The following LY96 variants were observed in gnomAD, a reference collection of about 807,000 sequenced individuals.
The protein encoded by LY96 is lymphocyte antigen 96, also known as myeloid differentiation protein-2.
A neutral mutation model predicts 18.9 loss-of-function variants in LY96; 18 were observed. The ratio of observed to expected loss-of-function variants is 0.95; its 90% confidence interval spans 0.66 to 1.41. The LOEUF is 1.41. LY96 is among the 40% of genes most tolerant of loss of function. The pLI, the probability that LY96 is intolerant of heterozygous loss-of-function variation, is 0.00. For synonymous variants in LY96, 66 were observed against 62.6 expected (o/e 1.06, Z -0.26); for missense variants, 175 against 182.4 (o/e 0.96, Z 0.23).
At chr8:74,057,630 C>CAGAAATCATGA in the LY96 span, among the ~76,000 whole-genome samples, 3 of 152,204 alleles carry the variant, frequency 2.0e-5, no homozygotes, top group Admixed American at 6.5e-5. Context: ...CCCTGCCACA[C>CAGAAATCATGA]AGAAATCATG....
the LY96 span, among the ~76,000 whole-genome samples, chr8:74,058,470 A>T: frequency 6.6e-6 from 1 of 152,136 alleles, no homozygotes; most frequent in Non-Finnish European, 1.5e-5. Flanking sequence ...AGAGAAACAG[A>T]AGCAAAAGGA....
At chr8:74,058,994 G>T in the LY96 span, among the ~76,000 whole-genome samples, 34 of 152,170 alleles carry the variant, frequency 2.2e-4, no homozygotes, top group Non-Finnish European at 4.3e-4. Flanking sequence ...CAAGCAGAGA[G>T]AGGATAATCC....
chr8:74,037,713 C>G, the LY96 span, among the ~76,000 whole-genome samples: 2 of 151,928 alleles, frequency 1.3e-5, no homozygotes, highest in Non-Finnish European at 2.9e-5. Flanking sequence ...ATTCAATCAC[C>G]CAAGTCTGGG....
chr8:73,992,923 C>T (rs1001826101), intron 1 of LY96, among the ~76,000 whole-genome samples: 5 of 150,654 alleles, frequency 3.3e-5, no homozygotes, highest in Non-Finnish European at 1.5e-5. Flanking sequence ...GGCGCGATTT[C>T]GGCTCACTGC....
chr8:74,045,146 T>C, the LY96 span, among the ~76,000 whole-genome samples: 2 of 152,224 alleles, frequency 1.3e-5, no homozygotes. Context: ...CTGTGCTTCA[T>C]GCAGAGGATA....
chr8:74,054,473 C>T, the LY96 span, among the ~76,000 whole-genome samples: 1 of 151,956 alleles, frequency 6.6e-6, no homozygotes, highest in Non-Finnish European at 1.5e-5. Flanking sequence ...CACCTGGAAC[C>T]GAGGTTCCTC....
In LY96 at chr8:74,004,773, G is replaced by C. The variant is rs376686138; in HGVS notation, c.113-23G>C. On this transcript the variant is annotated intron_variant, in intron 1 of 4. Transcript: ENST00000284818. ...TGGAGATGATTTGTAGTAATTTATT[G>C]ACATTATCTTTATTGCTTTTAGATA... The C allele has an allele frequency of 3.5e-5, 53 of 1,528,680 alleles. No individual in the cohort carries two copies. The African/African-American group carries it at 6.8e-4, about 20-fold the overall frequency. 94.7% of individuals were successfully genotyped at this position (1,528,680 alleles called of 1,614,324 possible).
the LY96 span, among the ~76,000 whole-genome samples, chr8:74,054,318 G>A: frequency 2.0e-5 from 3 of 151,942 alleles, no homozygotes; most frequent in East Asian, 2.0e-4. Context: ...ATGAGCAACC[G>A]TGCTTGGCCA....
the LY96 span, among the ~76,000 whole-genome samples, chr8:74,085,293 G>T: frequency 3.3e-5 from 5 of 152,260 alleles, no homozygotes; most frequent in South Asian, 1.0e-3. Flanking sequence ...ATGATTGTCT[G>T]GTTTCAAAGC....
At chr8:74,035,245 T>C in the LY96 span, among the ~76,000 whole-genome samples, 1 of 152,164 alleles carries the variant, frequency 6.6e-6, no homozygotes, top group Non-Finnish European at 1.5e-5. Context: ...GGATAATGAA[T>C]GCCTGTCCAC....
intron 3 of LY96, among the ~76,000 whole-genome samples, chr8:74,020,359 C>A (rs1353214671): frequency 1.3e-5 from 2 of 152,166 alleles, no homozygotes; most frequent in Non-Finnish European, 2.9e-5. Context: ...ATCCAACTTA[C>A]AAGGGTTGTA....
the LY96 span, among the ~76,000 whole-genome samples, chr8:74,087,265 A>T: frequency 6.6e-6 from 1 of 152,228 alleles, no homozygotes; most frequent in Non-Finnish European, 1.5e-5. Flanking sequence ...AGACTTATTT[A>T]AAATGCAGAT....
chr8:73,999,168 C>A (rs1050980832), intron 1 of LY96, among the ~76,000 whole-genome samples: 1 of 152,006 alleles, frequency 6.6e-6, no homozygotes, highest in African/African-American at 2.4e-5. Context: ...TAGGGTTTCA[C>A]CATGTTGGCC....
chr8:74,069,561 A>G, the LY96 span, among the ~76,000 whole-genome samples: 1 of 152,016 alleles, frequency 6.6e-6, no homozygotes, highest in African/African-American at 2.4e-5. Flanking sequence ...AACTTCATTA[A>G]TCAGCAGCCA....
At chr8:74,039,101 T>G in the LY96 span, among the ~76,000 whole-genome samples, 2 of 152,374 alleles carry the variant, frequency 1.3e-5, no homozygotes, top group East Asian at 3.9e-4. Flanking sequence ...ATTGTAGTTT[T>G]GATTTGCATT....
At chr8:74,053,932 A>G in the LY96 span, among the ~76,000 whole-genome samples, 1 of 152,210 alleles carries the variant, frequency 6.6e-6, no homozygotes, top group Admixed American at 6.5e-5. Flanking sequence ...CCATTTTATA[A>G]TGCAGCAAGA....
the LY96 span, among the ~76,000 whole-genome samples, chr8:74,038,483 A>G: frequency 6.6e-6 from 1 of 152,210 alleles, no homozygotes; most frequent in Non-Finnish European, 1.5e-5. Flanking sequence ...AATTAGCATA[A>G]TGACCTCCGG....
At chr8:74,066,655 A>G in the LY96 span, among the ~76,000 whole-genome samples, 1 of 152,318 alleles carries the variant, frequency 6.6e-6, no homozygotes, top group Non-Finnish European at 1.5e-5. Flanking sequence ...CTTTGATGAG[A>G]CATTGACAGA....
the LY96 span, among the ~76,000 whole-genome samples, chr8:74,081,126 C>CT: frequency 0.028 from 651 of 22,904 alleles, no homozygotes; most frequent in Middle Eastern, 0.053. Context: ...TCTTTCTTTC[C>CT]TTCCTTCCTT....
Sources: allele counts gnomAD v4.1 joint callset (sites outside exome capture counted in the v4.1 genomes callset), GRCh38; gene constraint gnomAD v4.1.1; transcripts MANE v1.5; gene names NCBI Gene and HGNC (gene_info 2026-07-23, HGNC 2026-07-21).